Variants in SNF8 observed in about 807,000 individuals in gnomAD.
The protein encoded by SNF8 is vacuolar-sorting protein SNF8.
A neutral mutation model predicts 36.8 loss-of-function variants in SNF8; 19 were observed. The ratio of observed to expected loss-of-function variants is 0.52; its 90% CI spans 0.36 to 0.76. SNF8 has a LOEUF of 0.76. SNF8 is among the 30% of genes least tolerant of loss of function. SNF8 has a pLI of 0.00. For missense variants in SNF8, 268 were observed against 322.9 expected (o/e 0.83, Z 1.30); for synonymous variants, 127 against 127.4 (o/e 1.00, Z 0.02).
Position 48,941,028 on chromosome 17 carries a change from A to T in SNF8, c.140T>A (p.Leu47Gln). ...CTTGTGTTTGCTGGCAAATTCCTCC[A>T]GGTTGGTCTTGAACATGTCCAACTG... ...SKQLDMFKTNLEEFASKHKQE... is the reference protein window; with the variant it reads ...SKQLDMFKTNQEEFASKHKQE... Residue 47 changes from leucine (L) to glutamine (Q), a missense_variant, in exon 3 of 8, where the codon CTG becomes CAG. Transcript: ENST00000502492. 6.2e-7 allele frequency: 1 copy of T among 1,613,890 alleles called. No homozygotes were observed. Among genetic ancestry groups the T allele is most frequent in the Non-Finnish European group, 8.5e-7 (1 of 1,180,022 alleles).
Position 48,943,187 on chromosome 17 carries a change from T to C in SNF8, c.105+738A>G, listed in dbSNP as rs1291550194. On this transcript the variant is annotated intron_variant, in intron 2 of 7. Transcript: ENST00000502492. ...GGCTCTCAATTTTAAACTCAGAATA[T>C]GGCCGGGCGCGGTGGCTCACGCCTG... 6.8e-5 allele frequency among the ~76,000 whole-genome samples: 10 copies of C among 147,542 alleles called. No individual in the cohort carries two copies. In the East Asian group the frequency reaches 2.3e-3, roughly 33 times the overall value.
intron 5 of SNF8, among the ~76,000 whole-genome samples, chr17:48,934,894 C>T (rs1293564361): frequency 1.3e-5 from 2 of 152,124 alleles, no homozygotes; most frequent in Non-Finnish European, 2.9e-5. Context: ...TTCAAGATCT[C>T]ATAGTAGGCT....
chr17:48,939,125 G>A lies in SNF8; in HGVS notation c.244+1799C>T, dbSNP rs540723313. ...TACAAAAAATTAGCCGGGCATGGTG[G>A]CACATGCCTATAGTCCCAGCTAGCT... is the stretch of plus-strand genomic sequence containing the variant. On this transcript the variant is annotated intron_variant, in intron 3 of 7. Transcript: ENST00000502492. Among the ~76,000 whole-genome samples the A allele has an allele frequency of 6.6e-5, 10 of 151,566 alleles. No homozygotes were observed. The South Asian group carries it at 2.1e-3, about 32-fold the overall frequency.
At chr17:48,931,614 CT>C in intron 7 of SNF8, 28 bp downstream of exon 7, 2 of 1,589,630 alleles carry the variant, frequency 1.3e-6, no homozygotes, top group Non-Finnish European at 8.6e-7. Flanking sequence ...GCCTGCCTGT[CT>C]TTTCTGGACT....
chr17:48,932,010 A>C (rs1356106196), intron 6 of SNF8: 1 of 207,210 alleles, frequency 4.8e-6, no homozygotes, highest in Non-Finnish European at 9.7e-6. Flanking sequence ...ACCTGACGTC[A>C]GGAGTTCGAG....
chr17:48,937,187 A>G, intron 3 of SNF8, 63 bp from the exon 4 acceptor site: 1 of 1,253,604 alleles, frequency 8.0e-7, no homozygotes, highest in African/African-American at 1.5e-5. Context: ...TTTCTTTCAA[A>G]CCTGCATTAA....
At chr17:48,941,242 A>G (rs2041018875) in intron 2 of SNF8, among the ~76,000 whole-genome samples, 180 bp from the exon 3 acceptor site, 1 of 152,062 alleles carries the variant, frequency 6.6e-6, no homozygotes, top group Admixed American at 6.6e-5. Context: ...TTCTGTTGTC[A>G]GCAGAAATGG....
Position 48,929,594 on chromosome 17 carries a change from G to A in SNF8, c.*881C>T, listed in dbSNP as rs2040826865. 1 of 152,090 alleles carries A rather than the reference G, an allele frequency of 6.6e-6. No homozygotes were observed. The highest frequency in any genetic ancestry group is 1.5e-5 in the Non-Finnish European group (1 of 68,038). 9.4% of individuals were successfully genotyped at this position (152,090 alleles called of 1,614,324 possible). A position where few individuals can be genotyped will look rare whatever the true frequency, so the allele number is the denominator to read the frequency against. On this transcript the variant is annotated 3_prime_UTR_variant, in exon 8 of 8. Coordinates refer to ENST00000502492, the MANE Select transcript of SNF8 (RefSeq NM_007241.4). ...TTACTCTTGGCTGACCACGTGTGTA[G>A]AAAAATGTCTACACACAGTATGTGC...
chr17:48,934,036 C>T (rs895269941), intron 5 of SNF8, among the ~76,000 whole-genome samples: 8 of 152,210 alleles, frequency 5.3e-5, no homozygotes, highest in Admixed American at 6.5e-5. Flanking sequence ...AATTCAAACC[C>T]AATACTGCCA....
chr17:48,931,293 T>G (rs2040854623), intron 7 of SNF8, among the ~76,000 whole-genome samples: 1 of 152,240 alleles, frequency 6.6e-6, no homozygotes, highest in Non-Finnish European at 1.5e-5. Context: ...AGATATGTAA[T>G]TAACGTAGTT....
At chr17:48,931,799 CT>C in intron 6 of SNF8, 82 bp from the exon 7 acceptor site, 2 of 1,030,670 alleles carry the variant, frequency 1.9e-6, no homozygotes, top group South Asian at 1.5e-5. Flanking sequence ...GAACAAGAGA[CT>C]TACCCAGACA....
intron 3 of SNF8, 32 bp from the exon 4 acceptor site, chr17:48,937,156 T>G: frequency 6.7e-7 from 1 of 1,492,822 alleles, no homozygotes; most frequent in Non-Finnish European, 9.4e-7. Context: ...TCTCGGTTAT[T>G]GATTAATTTA....
intron 3 of SNF8, among the ~76,000 whole-genome samples, chr17:48,938,652 G>A (rs746692796): frequency 1.2e-4 from 19 of 152,224 alleles, no homozygotes; most frequent in Non-Finnish European, 1.2e-4. Context: ...GGCAGATCAC[G>A]AGGTCAGGAG....
intron 1 of SNF8, 80 bp from the exon 2 acceptor site, chr17:48,944,055 G>C (rs2041068825): frequency 1.4e-6 from 2 of 1,386,080 alleles, no homozygotes; most frequent in Non-Finnish European, 2.0e-6. Context: ...TGTAATCCCA[G>C]AACTTTGGGA....
intron 3 of SNF8, among the ~76,000 whole-genome samples, chr17:48,940,072 C>CAG (rs2040997228): frequency 1.1e-5 from 1 of 91,416 alleles, no homozygotes; most frequent in Non-Finnish European, 2.1e-5. Flanking sequence ...AAGACTGTCT[C>CAG]AAAAAAAAAA....
chr17:48,935,241 C>T (rs763357119), intron 5 of SNF8, among the ~76,000 whole-genome samples: 4 of 152,054 alleles, frequency 2.6e-5, no homozygotes, highest in South Asian at 2.1e-4. Context: ...CGGCCAGGCG[C>T]GGTGGCAGAC....
Position 48,930,416 on chromosome 17 carries a change from GGTTT to G in SNF8, c.*55_*58del. The G allele has an allele frequency of 2.8e-6, 4 of 1,422,120 alleles. No individual in the cohort carries two copies. The highest frequency in any genetic ancestry group is 3.7e-6 in the Non-Finnish European group (4 of 1,076,988). The allele number at this position is 1,422,120 out of a possible 1,614,324, so 88.1% of individuals were successfully genotyped here. A position where few individuals can be genotyped will look rare whatever the true frequency, so the allele number is the denominator to read the frequency against. ...TTTTTTGTATAAACAAAATTGCCCA[GGTTT>G]ATTTGCCACCTCCGCCTCCTCCCTG... On this transcript the variant is annotated 3_prime_UTR_variant, in exon 8 of 8. Transcript: ENST00000502492.
chr17:48,933,701 A>C (rs938921274), intron 5 of SNF8: 1 of 206,040 alleles, frequency 4.9e-6, no homozygotes, highest in African/African-American at 2.3e-5. Flanking sequence ...GCACCACTGT[A>C]CTCCAGCCTG....
At chr17:48,943,369 G>A (rs1270814410) in intron 2 of SNF8, among the ~76,000 whole-genome samples, 2 of 152,178 alleles carry the variant, frequency 1.3e-5, no homozygotes, top group Non-Finnish European at 2.9e-5. Flanking sequence ...CCAGCACTCT[G>A]GGAAGCCAAG....
Sources: gnomAD v4.1 joint callset for allele counts (sites outside exome capture counted in the v4.1 genomes callset) on GRCh38, gnomAD v4.1.1 for gene constraint, MANE v1.5 for transcripts, NCBI Gene and HGNC (gene_info 2026-07-23, HGNC 2026-07-21) for gene names.